Variants in ST8SIA2 observed in about 807,000 individuals in gnomAD.
ST8SIA2 encodes alpha-2,8-sialyltransferase 8B.
A neutral mutation model predicts 37.6 loss-of-function variants in ST8SIA2; 22 were observed. The observed-to-expected ratio is 0.58, with a 90% CI of 0.42 to 0.83. The LOEUF is 0.83. Among genes scored for constraint, ST8SIA2 ranks in the 40% least tolerant of loss-of-function variants. ST8SIA2 has a pLI of 0.00. For synonymous variants in ST8SIA2, 205 were observed against 201.2 expected, an observed-to-expected ratio of 1.02 and a Z score of -0.16; for missense variants, 382 against 484.7, an observed-to-expected ratio of 0.79 and a Z score of 1.99.
intron 5 of ST8SIA2, among the ~76,000 whole-genome samples, chr15:92,450,585 AAGAG>A (rs2049874654): frequency 6.6e-6 from 1 of 152,146 alleles, no homozygotes; most frequent in Non-Finnish European, 1.5e-5. Context: ...TGGCAGGAGC[AAGAG>A]AGAGAGGGAG....
chr15:92,435,965 G>A (rs548573543), intron 3 of ST8SIA2, among the ~76,000 whole-genome samples: 2 of 152,250 alleles, frequency 1.3e-5, no homozygotes, highest in South Asian at 4.2e-4. Flanking sequence ...CTCCAAGGGA[G>A]AACCCATCCT....
In ST8SIA2 at chr15:92,464,809, C is replaced by T. The variant is rs373187696; in HGVS notation, c.*424C>T. The T allele has an allele frequency of 1.9e-5, 4 of 206,054 alleles. No individual in the cohort carries two copies. The highest frequency in any genetic ancestry group is 5.3e-5 in the Admixed American group (1 of 18,810). The allele number at this position is 206,054 out of a possible 1,614,324, so 12.8% of individuals were successfully genotyped here. A position where few individuals can be genotyped will look rare whatever the true frequency, so the allele number is the denominator to read the frequency against. On this transcript the variant is annotated 3_prime_UTR_variant, in exon 6 of 6. Transcript: ENST00000268164. ...CCCAAGCCTCTGGGATATGTGGATTCGGAGAAAGCTGAGGCCCAGAGGGGA... is the reference window on the plus strand; with the variant it reads ...CCCAAGCCTCTGGGATATGTGGATTTGGAGAAAGCTGAGGCCCAGAGGGGA...
Position 92,429,963 on chromosome 15 carries a change from G to T in ST8SIA2, c.99-86G>T, listed in dbSNP as rs1567216802. 3.5e-6 allele frequency: 5 copies of T among 1,432,332 alleles called. No individual in the cohort carries two copies. The East Asian group carries it at 9.2e-5, about 26-fold the overall frequency. The allele number at this position is 1,432,332 out of a possible 1,614,324, so 88.7% of individuals were successfully genotyped here. On this transcript the variant is annotated intron_variant, in intron 1 of 5. Coordinates refer to ENST00000268164, the MANE Select transcript of ST8SIA2 (RefSeq NM_006011.4). ...TCTTCCACCCTCTGTAGTTTTCCAG[G>T]TGGGCTATGGGATCTCCTGGCAATT...
At chr15:92,436,711 T>A (rs2049760873) in intron 3 of ST8SIA2, among the ~76,000 whole-genome samples, 1 of 152,206 alleles carries the variant, frequency 6.6e-6, no homozygotes, top group South Asian at 2.1e-4. Context: ...ATAAAAACAG[T>A]GCCTCTGTTT....
intron 2 of ST8SIA2, 81 bp from the exon 3 acceptor site, chr15:92,434,166 G>A (rs568123213): frequency 1.5e-5 from 24 of 1,598,000 alleles, no homozygotes; most frequent in East Asian, 6.7e-5. Flanking sequence ...ATTCAAGCCC[G>A]TGCAAAAACA....
At chr15:92,431,962 C>G (rs1301695507) in intron 2 of ST8SIA2, among the ~76,000 whole-genome samples, 1 of 152,190 alleles carries the variant, frequency 6.6e-6, no homozygotes, top group African/African-American at 2.4e-5. Flanking sequence ...CCCTTTCCAG[C>G]CTTTGCCATC....
At chr15:92,429,975 A>T (rs1485234648) in intron 1 of ST8SIA2, 74 bp from the exon 2 acceptor site, 1 of 1,518,358 alleles carries the variant, frequency 6.6e-7, no homozygotes, top group African/African-American at 1.4e-5. Flanking sequence ...GGGCTATGGG[A>T]TCTCCTGGCA....
intron 5 of ST8SIA2, 59 bp from the exon 6 acceptor site, chr15:92,464,041 A>C (rs1341220657): frequency 2.0e-6 from 3 of 1,511,956 alleles, no homozygotes; most frequent in East Asian, 4.9e-5. Context: ...GTCTTCCTGG[A>C]AAGGATGACT....
chr15:92,429,987 T>C, intron 1 of ST8SIA2, 62 bp from the exon 2 acceptor site: 1 of 1,584,038 alleles, frequency 6.3e-7, no homozygotes, highest in South Asian at 1.1e-5. Context: ...CTCCTGGCAA[T>C]TGAAGAGGGC....
chr15:92,420,632 A>T (rs918584084), intron 1 of ST8SIA2, among the ~76,000 whole-genome samples: 3 of 152,188 alleles, frequency 2.0e-5, no homozygotes, highest in African/African-American at 7.2e-5. Flanking sequence ...CTAATGTTTA[A>T]ATTGAAGGCA....
At chr15:92,395,073 G>C (rs935878761) in intron 1 of ST8SIA2, among the ~76,000 whole-genome samples, 1 of 152,102 alleles carries the variant, frequency 6.6e-6, no homozygotes, top group Non-Finnish European at 1.5e-5. Context: ...CTCGCGCCCC[G>C]CCCCGCAGCC....
intron 1 of ST8SIA2, among the ~76,000 whole-genome samples, chr15:92,404,331 A>G (rs777669341): frequency 1.3e-5 from 2 of 152,174 alleles, no homozygotes; most frequent in Non-Finnish European, 2.9e-5. Context: ...CACCTTTCTG[A>G]GTCTCAGTTT....
intron 1 of ST8SIA2, among the ~76,000 whole-genome samples, chr15:92,417,916 C>T (rs1406393472): frequency 6.6e-6 from 1 of 152,174 alleles, no homozygotes; most frequent in Non-Finnish European, 1.5e-5. Flanking sequence ...CTTGCCATCT[C>T]ACAACTATTT....
chr15:92,434,984 T>C (rs1393784200), intron 3 of ST8SIA2, among the ~76,000 whole-genome samples: 1 of 152,224 alleles, frequency 6.6e-6, no homozygotes, highest in Non-Finnish European at 1.5e-5. Context: ...GCAGCCATCA[T>C]CGGGTAGTGG....
chr15:92,394,167 A>G lies in ST8SIA2; in HGVS notation c.98+5A>G. On this transcript the variant is annotated splice_donor_5th_base_variant and intron_variant, in intron 1 of 5. Transcript: ENST00000268164. ...AGAGATCGAAGAAGAAATCGGGTAA[A>G]TAGCTGCTCCCAGGCCCGTGCCACG... is the stretch of plus-strand genomic sequence containing the variant. 1 of 1,552,688 alleles carries G rather than the reference A, an allele frequency of 6.4e-7. No homozygotes were observed. Among genetic ancestry groups the G allele is most frequent in the Non-Finnish European group, 8.7e-7 (1 of 1,146,804 alleles).
chr15:92,439,478 G>A (rs111395717), intron 4 of ST8SIA2, among the ~76,000 whole-genome samples: 140 of 152,228 alleles, frequency 9.2e-4, no homozygotes, highest in African/African-American at 3.2e-3. Flanking sequence ...GCGGAGCCTC[G>A]AGTTTCATTC....
chr15:92,413,682 T>C (rs1291504244), intron 1 of ST8SIA2, among the ~76,000 whole-genome samples: 1 of 152,176 alleles, frequency 6.6e-6, no homozygotes, highest in Non-Finnish European at 1.5e-5. Context: ...AAGGGTTAAA[T>C]CTCCTGTCCA....
intron 1 of ST8SIA2, among the ~76,000 whole-genome samples, chr15:92,402,276 T>C (rs561679601): frequency 6.8e-4 from 104 of 152,300 alleles, no homozygotes; most frequent in South Asian, 5.8e-3. Context: ...AACAACAAAG[T>C]CATATTTTGT....
intron 5 of ST8SIA2, among the ~76,000 whole-genome samples, chr15:92,456,767 G>GATGGAGGCT (rs2049922628): frequency 1.3e-5 from 2 of 152,320 alleles, no homozygotes; most frequent in Middle Eastern, 6.8e-3. Context: ...TCACAAGCCC[G>GATGGAGGCT]ATGGAGGCTA....
Sources: gnomAD v4.1 joint callset for allele counts (sites outside exome capture counted in the v4.1 genomes callset) on GRCh38, gnomAD v4.1.1 for gene constraint, MANE v1.5 for transcripts, NCBI Gene and HGNC (gene_info 2026-07-23, HGNC 2026-07-21) for gene names.